Variants in GTF2IRD1 observed in about 807,000 individuals in gnomAD.
The protein encoded by GTF2IRD1 is general transcription factor II-I repeat domain-containing protein 1.
In GTF2IRD1, 26 loss-of-function variants were observed where a neutral mutation model predicts 113.2. The observed-to-expected ratio is 0.23, with a 90% CI of 0.17 to 0.32. The LOEUF is 0.32. GTF2IRD1 is among the 10% of genes least tolerant of loss of function. GTF2IRD1 has a pLI of 1.00. For synonymous variants in GTF2IRD1, 484 were observed against 529.1 expected (o/e 0.91, Z 1.17); for missense variants, 864 against 1,280.8 (o/e 0.67, Z 4.97).
At chr7:74,542,678 C>G (rs1173683319) in intron 14 of GTF2IRD1, among the ~76,000 whole-genome samples, 1 of 152,228 alleles carries the variant, frequency 6.6e-6, no homozygotes, top group Non-Finnish European at 1.5e-5. Context: ...CAGTCTGTGG[C>G]GTAGCTATCC....
rs1367562880 is a variant in GTF2IRD1, at chr7:74,555,980, T to C, written c.2023+486T>C. On this transcript the variant is annotated intron_variant, in intron 19 of 26. Transcript: ENST00000424337. The surrounding 1 kb of genome is among the most constrained non-coding windows in gnomAD (Gnocchi z 5.3). ...AAAAGAAATCAGAGGCCGAGTGCAG[T>C]GGCTCACGCCTGTAATCCCAGCACT... Among the ~76,000 whole-genome samples the C allele has an allele frequency of 6.6e-6, 1 of 152,040 alleles. No individual in the cohort carries two copies. Among genetic ancestry groups the C allele is most frequent in the African/African-American group, 2.4e-5 (1 of 41,392 alleles).
At chr7:74,582,230 G>T (rs1427614861) in intron 22 of GTF2IRD1, among the ~76,000 whole-genome samples, 1 of 152,158 alleles carries the variant, frequency 6.6e-6, no homozygotes, top group African/African-American at 2.4e-5. Flanking sequence ...GCAGGGCACG[G>T]CTAGAGCACA....
At chr7:74,525,738 C>CAGAGTG (rs1190614067) in intron 8 of GTF2IRD1, among the ~76,000 whole-genome samples, 1 of 151,296 alleles carries the variant, frequency 6.6e-6, no homozygotes, top group Non-Finnish European at 1.5e-5. Context: ...GCCTGGGTGA[C>CAGAGTG]AGAGTGAGAC....
At chr7:74,596,482 AG>A (rs1374256560) in intron 25 of GTF2IRD1, among the ~76,000 whole-genome samples, 7 of 150,896 alleles carry the variant, frequency 4.6e-5, no homozygotes, top group Non-Finnish European at 1.0e-4. Context: ...AAAAAGAAAA[AG>A]AAAAAAAAAA....
chr7:74,531,529 T>G (rs1554348902), intron 9 of GTF2IRD1, among the ~76,000 whole-genome samples: 2 of 152,044 alleles, frequency 1.3e-5, no homozygotes, highest in African/African-American at 4.8e-5. Flanking sequence ...CACCCCAGCC[T>G]CATCATTTAA....
At chr7:74,513,068 G>T in intron 3 of GTF2IRD1, 97 bp downstream of exon 3, 5 of 1,193,584 alleles carry the variant, frequency 4.2e-6, no homozygotes, top group Non-Finnish European at 6.0e-6. Flanking sequence ...TAGCCAGGGT[G>T]GCGGTGTGTG....
At chr7:74,547,439 C>T (rs1254042538) in intron 17 of GTF2IRD1, among the ~76,000 whole-genome samples, 153 bp downstream of exon 17, 25 of 111,202 alleles carry the variant, frequency 2.2e-4, no homozygotes, top group Non-Finnish European at 3.7e-4. Flanking sequence ...CATGCCCAGC[C>T]TTTTTTTTTT....
Position 74,570,796 on chromosome 7 carries a change from G to T in GTF2IRD1, c.2320+11141G>T, listed in dbSNP as rs761519642. Among the ~76,000 whole-genome samples, 110 of 152,292 alleles carry T rather than the reference G, an allele frequency of 7.2e-4. 1 individual carries two copies. The highest frequency in any genetic ancestry group is 1.4e-3 in the Non-Finnish European group (94 of 68,012). Reference sequence around the variant, plus strand: ...CACTAGAGAGGCCGCTTCCTATAGGGCTTGCTGCAGGAGAGGAGAAAGGGA... The same window carrying T: ...CACTAGAGAGGCCGCTTCCTATAGGTCTTGCTGCAGGAGAGGAGAAAGGGA... On this transcript the variant is annotated intron_variant, in intron 22 of 26. Coordinates refer to ENST00000424337, the MANE Select transcript of GTF2IRD1 (RefSeq NM_005685.4).
At chr7:74,466,560 T>C (rs1179466093) in intron 1 of GTF2IRD1, among the ~76,000 whole-genome samples, 1 of 152,056 alleles carries the variant, frequency 6.6e-6, no homozygotes, top group African/African-American at 2.4e-5. Flanking sequence ...CGCTGCTGCC[T>C]CTCCCCTAGA....
At position 74,539,969 on chromosome 7, in the gene GTF2IRD1, G is replaced by T; in HGVS notation, c.1618+1G>T. The stretch of plus-strand genomic sequence containing the variant: ...GGTTATGGGATGGAGATGCTGACAG[G>T]TAAGAAATGGACCTGGGCTGGTGGT... On this transcript the variant is annotated splice_donor_variant, in intron 14 of 26. Transcript: ENST00000424337. LOFTEE classifies it high-confidence loss of function. The T allele has an allele frequency of 6.2e-7, 1 of 1,606,098 alleles. No individual in the cohort carries two copies. Among genetic ancestry groups the T allele is most frequent in the Non-Finnish European group, 8.5e-7 (1 of 1,172,936 alleles).
intron 22 of GTF2IRD1, among the ~76,000 whole-genome samples, chr7:74,567,923 T>C (rs1430957403): frequency 6.6e-6 from 1 of 151,998 alleles, no homozygotes; most frequent in Non-Finnish European, 1.5e-5. Context: ...GTAGCTGGGA[T>C]TACAGGCGCG....
intron 1 of GTF2IRD1, among the ~76,000 whole-genome samples, chr7:74,456,667 A>T (rs187050929): frequency 6.6e-6 from 1 of 151,286 alleles, no homozygotes; most frequent in East Asian, 2.0e-4. Flanking sequence ...TGGGCAACAG[A>T]GCAAGACTCC....
intron 25 of GTF2IRD1, among the ~76,000 whole-genome samples, chr7:74,598,166 T>C (rs1208944191): frequency 6.6e-6 from 1 of 151,668 alleles, no homozygotes; most frequent in Non-Finnish European, 1.5e-5. Flanking sequence ...GAGGCTGCAG[T>C]GAGCTATGAT....
In GTF2IRD1 at chr7:74,535,093, T is replaced by A. The variant is rs1554349892; in HGVS notation, c.1275-20T>A. The A allele has an allele frequency of 6.2e-7, 1 of 1,610,458 alleles. No homozygotes were observed. Among genetic ancestry groups the A allele is most frequent in the South Asian group, 1.1e-5 (1 of 91,010 alleles). ...CTCCAGCCTGCACTGTTCTCATGCC[T>A]GTCTCTCTTCTCTCCCCAGGATGTT... On this transcript the variant is annotated intron_variant, in intron 9 of 26. Coordinates refer to ENST00000424337, the MANE Select transcript of GTF2IRD1 (RefSeq NM_005685.4).
chr7:74,550,811 T>G (rs1799262986), intron 17 of GTF2IRD1, among the ~76,000 whole-genome samples: 1 of 151,684 alleles, frequency 6.6e-6, no homozygotes, highest in Admixed American at 6.6e-5. Context: ...GGAGGGTCGC[T>G]TGAGGCCAGG....
chr7:74,560,916 C>T (rs183052387), intron 22 of GTF2IRD1, among the ~76,000 whole-genome samples: 1 of 152,136 alleles, frequency 6.6e-6, no homozygotes, highest in Non-Finnish European at 1.5e-5. Flanking sequence ...CCACTTCTGT[C>T]TCCACCATGG....
chr7:74,496,047 CA>C (rs1229593668), intron 1 of GTF2IRD1, among the ~76,000 whole-genome samples: 1 of 146,336 alleles, frequency 6.8e-6, no homozygotes, highest in Non-Finnish European at 1.5e-5. Flanking sequence ...TGCATGTGTG[CA>C]CACATGTGTC....
intron 1 of GTF2IRD1, among the ~76,000 whole-genome samples, chr7:74,470,644 A>G (rs1438983746): frequency 6.6e-6 from 1 of 152,232 alleles, no homozygotes; most frequent in African/African-American, 2.4e-5. Context: ...CAGACTGCCC[A>G]GTGAATAAAC....
intron 24 of GTF2IRD1, among the ~76,000 whole-genome samples, chr7:74,594,274 G>A (rs1802265571): frequency 6.6e-6 from 1 of 151,676 alleles, no homozygotes. Flanking sequence ...CAGCTACTGG[G>A]AAGGCTGAGG....
Sources: allele counts gnomAD v4.1 joint callset (sites outside exome capture counted in the v4.1 genomes callset), GRCh38; gene constraint gnomAD v4.1.1; non-coding constraint Gnocchi (gnomAD v3.1); transcripts MANE v1.5; gene names NCBI Gene and HGNC (gene_info 2026-07-23, HGNC 2026-07-21).